Variants in WDFY2 observed in about 807,000 individuals in gnomAD.
WDFY2 encodes WD repeat and FYVE domain-containing protein 2.
Under a neutral mutation model 56.4 loss-of-function variants are expected in WDFY2, and 36 were observed. The observed-to-expected ratio is 0.64, with a 90% CI of 0.49 to 0.84. WDFY2 has a LOEUF of 0.84. WDFY2 is among the 40% of genes least tolerant of loss of function. The pLI is 0.00. For synonymous variants in WDFY2, 176 were observed against 183.7 expected (o/e 0.96, Z 0.34); for missense variants, 444 against 512.2 (o/e 0.87, Z 1.29).
chr13:51,623,357 T>C (rs755082616), intron 1 of WDFY2, among the ~76,000 whole-genome samples: 2 of 152,010 alleles, frequency 1.3e-5, no homozygotes, highest in Non-Finnish European at 2.9e-5. Context: ...AAAAGGAGGC[T>C]GGAGGAGGAG....
rs377460432 is a variant in WDFY2 at position 51,584,820 on chromosome 13, G to A, written c.133G>A (p.Asp45Asn). The A allele has an allele frequency of 6.2e-7, 1 of 1,613,748 alleles. No homozygotes were observed. The highest frequency in any genetic ancestry group is 1.7e-5 in the Admixed American group (1 of 60,016). ...GGAGGGCGTCATCAGCGTCTCCGAG[G>A]ACAGGTATGGACTACTGCCATTCGG... ...KEEGVISVSE[D>N]RTVRVWLKRD... The change falls in exon 1 of 12, where the codon GAC becomes AAC. Residue 45 changes from aspartate (D) to asparagine (N), a missense_variant. Transcript: ENST00000298125.
intron 5 of WDFY2, among the ~76,000 whole-genome samples, chr13:51,722,785 A>G (rs1464631035): frequency 6.6e-6 from 1 of 152,178 alleles, no homozygotes; most frequent in Non-Finnish European, 1.5e-5. Context: ...TTATTTCCCA[A>G]AGACCCCATG....
chr13:51,679,375 AT>A (rs764298923), intron 3 of WDFY2, among the ~76,000 whole-genome samples: 1 of 152,186 alleles, frequency 6.6e-6, no homozygotes, highest in Non-Finnish European at 1.5e-5. Flanking sequence ...GTTTTTATTA[AT>A]ATCTTGCTAA....
intron 1 of WDFY2, among the ~76,000 whole-genome samples, chr13:51,650,399 C>A (rs1436946974): frequency 6.6e-6 from 1 of 152,054 alleles, no homozygotes; most frequent in African/African-American, 2.4e-5. Context: ...AATTGAATAC[C>A]CTTTATTTCC....
chr13:51,646,631 A>G (rs985094619), intron 1 of WDFY2, among the ~76,000 whole-genome samples: 2 of 152,220 alleles, frequency 1.3e-5, no homozygotes, highest in South Asian at 2.1e-4. Context: ...GTGTAAATTA[A>G]TGAATCAACA....
chr13:51,764,211 C>CT lies in WDFY2; in HGVS notation c.*4443dup, dbSNP rs1953676565. The stretch of plus-strand genomic sequence containing the variant: ...CTCACCAGCCACCAGGCTTTAGGCA[C>CT]TGGCAGTGCAAGGTGTCTGAGGCCC... On this transcript the variant is annotated 3_prime_UTR_variant, in exon 12 of 12. Coordinates refer to ENST00000298125, the MANE Select transcript of WDFY2 (RefSeq NM_052950.4). 1 of 152,158 alleles carries CT rather than the reference C, an allele frequency of 6.6e-6. No homozygotes were observed. Among genetic ancestry groups the CT allele is most frequent in the Non-Finnish European group, 1.5e-5 (1 of 68,042 alleles). 9.4% of individuals were successfully genotyped at this position (152,158 alleles called of 1,614,324 possible).
intron 1 of WDFY2, among the ~76,000 whole-genome samples, chr13:51,596,705 G>A (rs137932581): frequency 1.3e-5 from 2 of 152,242 alleles, no homozygotes; most frequent in African/African-American, 4.8e-5. Context: ...ACACCACAAC[G>A]ATTTGATTGG....
At chr13:51,603,864 G>A (rs184933142) in intron 1 of WDFY2, among the ~76,000 whole-genome samples, 5 of 152,298 alleles carry the variant, frequency 3.3e-5, no homozygotes, top group African/African-American at 9.6e-5. Context: ...TTAGGCACAA[G>A]GCAGGTAACA....
At chr13:51,718,363 G>C (rs1442241954) in intron 4 of WDFY2, among the ~76,000 whole-genome samples, 1 of 152,066 alleles carries the variant, frequency 6.6e-6, no homozygotes, top group East Asian at 1.9e-4. Context: ...ATTTCATTTG[G>C]TAACTGAGAA....
intron 4 of WDFY2, among the ~76,000 whole-genome samples, chr13:51,710,304 A>AT (rs1427237582): frequency 6.6e-6 from 1 of 152,176 alleles, no homozygotes; most frequent in Non-Finnish European, 1.5e-5. Flanking sequence ...AATAAGAGCT[A>AT]TTTATGACAA....
chr13:51,630,163 A>G (rs1419916013), intron 1 of WDFY2, among the ~76,000 whole-genome samples: 7 of 152,134 alleles, frequency 4.6e-5, no homozygotes, highest in Admixed American at 2.0e-4. Context: ...TTTTGTTTTA[A>G]GTCAGACCCT....
chr13:51,642,588 C>G (rs118061949), intron 1 of WDFY2, among the ~76,000 whole-genome samples: 5,270 of 152,116 alleles, frequency 0.035, 134 homozygotes, highest in Middle Eastern at 0.068. Context: ...GCCACCGTGC[C>G]CAGCCAGAGG....
intron 3 of WDFY2, among the ~76,000 whole-genome samples, chr13:51,701,035 CAT>C (rs1390049783): frequency 2.6e-5 from 4 of 152,146 alleles, no homozygotes; most frequent in African/African-American, 4.8e-5. Flanking sequence ...AGTATGTACT[CAT>C]GTGGAATTGC....
At chr13:51,741,101 T>G (rs1952964174) in intron 7 of WDFY2, among the ~76,000 whole-genome samples, 1 of 152,146 alleles carries the variant, frequency 6.6e-6, no homozygotes, top group South Asian at 2.1e-4. Flanking sequence ...AAATAAAACT[T>G]TAACAAATAG....
intron 4 of WDFY2, among the ~76,000 whole-genome samples, chr13:51,716,955 G>A (rs1952367670): frequency 6.6e-6 from 1 of 152,068 alleles, no homozygotes; most frequent in African/African-American, 2.4e-5. Flanking sequence ...TAATTAATGT[G>A]GGAAAGCATT....
At chr13:51,654,345 G>A (rs141594973) in intron 1 of WDFY2, among the ~76,000 whole-genome samples, 3 of 152,174 alleles carry the variant, frequency 2.0e-5, no homozygotes, top group East Asian at 1.9e-4. Flanking sequence ...GACCCCTTGT[G>A]CTTCCCGGGT....
chr13:51,733,004 G>A (rs1046386562), intron 6 of WDFY2, among the ~76,000 whole-genome samples: 3 of 152,096 alleles, frequency 2.0e-5, no homozygotes, highest in African/African-American at 7.2e-5. Context: ...CTCCTCTTGC[G>A]GATAATTAAA....
chr13:51,600,237 C>CAACT (rs1954242916), intron 1 of WDFY2, among the ~76,000 whole-genome samples: 1 of 152,124 alleles, frequency 6.6e-6, no homozygotes, highest in Non-Finnish European at 1.5e-5. Flanking sequence ...CTTTGAAAAT[C>CAACT]AGTTGTGTCC....
chr13:51,585,617 G>C (rs993313346), intron 1 of WDFY2, among the ~76,000 whole-genome samples: 10 of 152,260 alleles, frequency 6.6e-5, no homozygotes, highest in African/African-American at 2.4e-4. Context: ...GAATAAAGCT[G>C]ATGAAGCTAA....
Sources: gnomAD v4.1 joint callset for allele counts (sites outside exome capture counted in the v4.1 genomes callset) on GRCh38, gnomAD v4.1.1 for gene constraint, MANE v1.5 for transcripts, NCBI Gene and HGNC (gene_info 2026-07-23, HGNC 2026-07-21) for gene names.